Variants in CNTNAP2 observed in about 807,000 individuals in gnomAD.
CNTNAP2 encodes contactin-associated protein-like 2.
Under a neutral mutation model 155.2 loss-of-function variants are expected in CNTNAP2, and 98 were observed. The ratio of observed to expected loss-of-function variants is 0.63; its 90% confidence interval spans 0.54 to 0.75. The LOEUF is 0.75. CNTNAP2 is among the 30% of genes least tolerant of loss of function. The pLI, the probability that CNTNAP2 is intolerant of heterozygous loss-of-function variation, is 0.00. For synonymous variants in CNTNAP2, 651 were observed against 631.2 expected (o/e 1.03, Z -0.47); for missense variants, 1,727 against 1,688.1 (o/e 1.02, Z -0.40).
chr7:146,463,551 A>G (rs924322295), intron 1 of CNTNAP2, among the ~76,000 whole-genome samples: 1 of 152,138 alleles, frequency 6.6e-6, no homozygotes, highest in Non-Finnish European at 1.5e-5. Flanking sequence ...AGTAATATAT[A>G]TGATACACAC....
At chr7:146,525,275 T>A (rs2129138040) in intron 1 of CNTNAP2, among the ~76,000 whole-genome samples, 1 of 152,106 alleles carries the variant, frequency 6.6e-6, no homozygotes, top group African/African-American at 2.4e-5. Context: ...AGAAATGAAG[T>A]TTTTTTCTAG....
At chr7:146,282,309 C>T (rs1443019154) in intron 1 of CNTNAP2, among the ~76,000 whole-genome samples, 2 of 152,192 alleles carry the variant, frequency 1.3e-5, no homozygotes, top group Non-Finnish European at 2.9e-5. Context: ...AGCTCCAAAG[C>T]AAAGCTTGGT....
At position 147,784,245 on chromosome 7, in the gene CNTNAP2, A is replaced by T. The variant is rs562601673; in HGVS notation, c.2099-119320A>T. 8.6e-5 allele frequency among the ~76,000 whole-genome samples: 13 copies of T among 151,564 alleles called. No homozygotes were observed. The East Asian group carries it at 2.5e-3, about 29-fold the overall frequency. On this transcript the variant is annotated intron_variant, in intron 13 of 23. Coordinates refer to ENST00000361727, the MANE Select transcript of CNTNAP2 (RefSeq NM_014141.6). The stretch of plus-strand genomic sequence containing the variant: ...AAGGTCATATTTTGAGATATTTGGG[A>T]TTAGAACTTCAACGTAAAAATTTTT...
At position 147,641,335 on chromosome 7, in the gene CNTNAP2, T is replaced by C. The variant is rs1795275319; in HGVS notation, c.2098+2029T>C. ...ACAGAGTACCCTCTAAGAAATAAGG[T>C]TGGAAAGGAGGGTGGGAGTAAACTG... On this transcript the variant is annotated intron_variant, in intron 13 of 23. Transcript: ENST00000361727. Among the ~76,000 whole-genome samples the C allele has an allele frequency of 2.0e-5, 3 of 152,112 alleles. No homozygotes were observed. In the South Asian group the frequency reaches 6.2e-4, roughly 32 times the overall value.
chr7:146,595,937 C>A (rs972975441), intron 1 of CNTNAP2, among the ~76,000 whole-genome samples: 1 of 151,740 alleles, frequency 6.6e-6, no homozygotes, highest in African/African-American at 2.4e-5. Flanking sequence ...GTTGCTGAGG[C>A]CTTTATATAA....
chr7:148,330,328 AACAGATGGAATGGATGGATGGAGTGG>A (rs1797966786), intron 21 of CNTNAP2, among the ~76,000 whole-genome samples: 1 of 142,648 alleles, frequency 7.0e-6, no homozygotes, highest in Non-Finnish European at 1.5e-5. Flanking sequence ...GGATAGAGTG[AACAGATGGAATGGATGGATGGAGTGG>A]ACAGATGGAA....
chr7:148,302,178 A>G (rs1470696807), intron 21 of CNTNAP2, among the ~76,000 whole-genome samples: 1 of 152,208 alleles, frequency 6.6e-6, no homozygotes, highest in African/African-American at 2.4e-5. Flanking sequence ...CTCATCTAGC[A>G]GGCTGAGGAA....
intron 4 of CNTNAP2, among the ~76,000 whole-genome samples, chr7:147,054,091 T>C (rs71530767): frequency 0.024 from 3,716 of 152,280 alleles, 67 homozygotes; most frequent in South Asian, 0.051. Flanking sequence ...CTCCTCTGGT[T>C]CATTCTTCTT....
chr7:146,782,918 A>G (rs1802515358), intron 2 of CNTNAP2, among the ~76,000 whole-genome samples: 1 of 152,212 alleles, frequency 6.6e-6, no homozygotes, highest in African/African-American at 2.4e-5. Context: ...TTAAAAATTT[A>G]TTGTTTAAAT....
intron 13 of CNTNAP2, among the ~76,000 whole-genome samples, chr7:147,874,232 G>T (rs763265726): frequency 6.6e-6 from 1 of 152,196 alleles, no homozygotes; most frequent in Non-Finnish European, 1.5e-5. Context: ...AACTCTGTGT[G>T]GGGGGTTCCA....
chr7:148,204,774 C>A lies in CNTNAP2; in HGVS notation c.3011-12514C>A, dbSNP rs577972340. Among the ~76,000 whole-genome samples the A allele has an allele frequency of 3.9e-5, 6 of 152,274 alleles. No homozygotes were observed. In the South Asian group the frequency reaches 6.2e-4, roughly 16 times the overall value. ...TCTGTGAAAACAGCTAGAGTTTGCA[C>A]AATCGTCGCCTAGACAGAGGGAGGA... On this transcript the variant is annotated intron_variant, in intron 18 of 23. Coordinates refer to ENST00000361727, the MANE Select transcript of CNTNAP2 (RefSeq NM_014141.6).
chr7:147,300,359 T>A, intron 9 of CNTNAP2, 69 bp downstream of exon 9: 1 of 1,563,118 alleles, frequency 6.4e-7, no homozygotes, highest in Non-Finnish European at 8.8e-7. Context: ...GAAGTTTGAT[T>A]ATGAAGTATT....
intron 13 of CNTNAP2, among the ~76,000 whole-genome samples, chr7:147,756,311 C>A (rs1797212965): frequency 6.6e-6 from 1 of 151,822 alleles, no homozygotes; most frequent in Non-Finnish European, 1.5e-5. Flanking sequence ...TTTTTCCCCA[C>A]TGATAAAGGA....
intron 3 of CNTNAP2, among the ~76,000 whole-genome samples, chr7:146,972,695 A>G (rs1366002843): frequency 6.6e-6 from 1 of 152,212 alleles, no homozygotes; most frequent in Non-Finnish European, 1.5e-5. Flanking sequence ...TAGCTTAGTT[A>G]TAAAGAGAAG....
At chr7:146,705,569 T>G (rs1800949381) in intron 1 of CNTNAP2, among the ~76,000 whole-genome samples, 1 of 152,038 alleles carries the variant, frequency 6.6e-6, no homozygotes, top group African/African-American at 2.4e-5. Flanking sequence ...AATAAAAATA[T>G]ACCTGAGACT....
At position 148,153,020 on chromosome 7, in the gene CNTNAP2, CAAAAAAAAAA is replaced by C. The variant is rs373499312; in HGVS notation, c.2773+5329_2773+5338del. ...TGGGTGACTGAGCAAGACTCCGTCT[CAAAAAAAAAA>C]AAAAAAAAAAAAAAAAAGCTAAACT... On this transcript the variant is annotated intron_variant, in intron 17 of 23. Transcript: ENST00000361727. Among the ~76,000 whole-genome samples, 218 of 22,680 alleles carry C rather than the reference CAAAAAAAAAA, an allele frequency of 9.6e-3. 2 individuals are homozygous for C. Among genetic ancestry groups the C allele is most frequent in the African/African-American group, 0.033 (194 of 5,938 alleles). The allele number at this position is 22,680 out of a possible 152,430, so 14.9% of individuals were successfully genotyped here. A position where few individuals can be genotyped will look rare whatever the true frequency, so the allele number is the denominator to read the frequency against.
At chr7:147,608,815 C>T (rs1387391313) in intron 12 of CNTNAP2, among the ~76,000 whole-genome samples, 3 of 151,662 alleles carry the variant, frequency 2.0e-5, no homozygotes, top group African/African-American at 7.3e-5. Flanking sequence ...AGAGAGTCAG[C>T]AAAGGGAGAT....
At chr7:147,714,265 G>T (rs1345311858) in intron 13 of CNTNAP2, among the ~76,000 whole-genome samples, 3 of 152,108 alleles carry the variant, frequency 2.0e-5, no homozygotes, top group Admixed American at 6.6e-5. Context: ...TGCTAAGGAT[G>T]AGTGAAGAGG....
At chr7:147,040,774 T>C (rs1480848267) in intron 3 of CNTNAP2, among the ~76,000 whole-genome samples, 2 of 152,036 alleles carry the variant, frequency 1.3e-5, no homozygotes, top group Non-Finnish European at 2.9e-5. Context: ...AGTAGAATAT[T>C]AAGAGTGAAC....
Sources: allele counts gnomAD v4.1 joint callset (sites outside exome capture counted in the v4.1 genomes callset), GRCh38; gene constraint gnomAD v4.1.1; transcripts MANE v1.5; gene names NCBI Gene and HGNC (gene_info 2026-07-23, HGNC 2026-07-21).